Variants in THAP4 observed in about 807,000 individuals in gnomAD.
The protein encoded by THAP4 is THAP domain containing 4.
A neutral mutation model predicts 48.1 loss-of-function variants in THAP4; 18 were observed. That is an observed-to-expected ratio of 0.37 (90% CI 0.26 to 0.56). THAP4 has a LOEUF of 0.56. Among genes scored for constraint, THAP4 ranks in the 20% least tolerant of loss-of-function variants. The pLI is 0.78. For synonymous variants in THAP4, 345 were observed against 324.9 expected (o/e 1.06, Z -0.66); for missense variants, 656 against 774.9 (o/e 0.85, Z 1.82).
Position 241,616,461 on chromosome 2 carries a change from G to A in THAP4, c.1241-9988C>T, listed in dbSNP as rs1038137525. Among the ~76,000 whole-genome samples the A allele has an allele frequency of 7.9e-5, 12 of 152,146 alleles. No homozygotes were observed. The highest frequency in any genetic ancestry group is 2.7e-4 in the African/African-American group (11 of 41,446). ...GTCCTGGTAAGAACAGGTAGGGAGA[G>A]GCTGCCTCAAAAATTCTGGCTAAAA... On this transcript the variant is annotated intron_variant, in intron 2 of 5. Coordinates refer to ENST00000407315, the MANE Select transcript of THAP4 (RefSeq NM_015963.6). The surrounding 1 kb of genome is among the most constrained non-coding windows in gnomAD (Gnocchi z 4.6).
At chr2:241,617,503 T>C in intron 2 of THAP4, 1 of 1,542,148 alleles carries the variant, frequency 6.5e-7, no homozygotes, top group Non-Finnish European at 8.7e-7. Context: ...ACCTGGCTCT[T>C]AATGGCTCTG....
Position 241,633,680 on chromosome 2 carries a change from C to T in THAP4, c.477G>A (p.Gln159=). The change falls in exon 2 of 6, where the codon CAG becomes CAA. Residue 159 remains glutamine, a synonymous_variant. Transcript: ENST00000407315. This position sits in a 1 kb window ranked among gnomAD's most constrained non-coding sequence, Gnocchi z 7.5. ...LQGEATPRAA[Q]EAASQEQAQQ... The stretch of plus-strand genomic sequence containing the variant: ...GGGCCTGCTCCTGGCTGGCGGCCTC[C>T]TGGGCCGCCCTGGGTGTGGCTTCAC... 1 of 1,611,046 alleles carries T rather than the reference C, an allele frequency of 6.2e-7. No homozygotes were observed. The highest frequency in any genetic ancestry group is 1.1e-5 in the South Asian group (1 of 91,020).
intron 2 of THAP4, among the ~76,000 whole-genome samples, chr2:241,623,405 C>T (rs987739667): frequency 1.3e-5 from 2 of 151,872 alleles, no homozygotes; most frequent in African/African-American, 2.4e-5. Context: ...CATGGCAAAA[C>T]CCTGTCTCTA....
chr2:241,637,268 G>T, upstream of THAP4: 1 of 1,092,342 alleles, frequency 9.2e-7, no homozygotes, highest in South Asian at 2.0e-5. Context: ...CAGGCCCCTC[G>T]CAGCGTCCGT....
intron 2 of THAP4, among the ~76,000 whole-genome samples, chr2:241,631,414 C>T (rs1303405620): frequency 6.6e-6 from 1 of 152,164 alleles, no homozygotes; most frequent in Non-Finnish European, 1.5e-5. Context: ...AAATACTTAA[C>T]AGTAAAATAT....
chr2:241,593,494 C>T (rs2067012207), intron 5 of THAP4, among the ~76,000 whole-genome samples: 1 of 152,150 alleles, frequency 6.6e-6, no homozygotes, highest in African/African-American at 2.4e-5. Context: ...GGAAATGAGA[C>T]GCACACGGGG....
At chr2:241,623,840 C>A (rs953867259) in intron 2 of THAP4, among the ~76,000 whole-genome samples, 1 of 152,126 alleles carries the variant, frequency 6.6e-6, no homozygotes, top group Non-Finnish European at 1.5e-5. Context: ...TGGAAAAAAA[C>A]AATCTCTTTC....
At position 241,633,882 on chromosome 2, in the gene THAP4, C is replaced by G; in HGVS notation, c.275G>C (p.Arg92Thr). ...GGTGCGGCCATGGCCTCCAGCCCCC[C>G]TCTTCTTCTCGGTCAGGTGGAAGAT... ...PSIFHLTEKK[R>T]GAGGHGRTRR... The change falls in exon 2 of 6, where the codon AGG (arginine) becomes ACG (threonine). Residue 92 changes from arginine to threonine, a missense_variant. Around this residue, in one of 4 missense-constraint regions of THAP4, gnomAD observed 391 missense variants for 412.4 expected, o/e 0.95. Coordinates refer to ENST00000407315, the MANE Select transcript of THAP4 (RefSeq NM_015963.6). The surrounding 1 kb of genome is among the most constrained non-coding windows in gnomAD (Gnocchi z 7.5). The G allele has an allele frequency of 6.2e-7, 1 of 1,614,000 alleles. No individual in the cohort carries two copies. Among genetic ancestry groups the G allele is most frequent in the Non-Finnish European group, 8.5e-7 (1 of 1,179,936 alleles).
At chr2:241,627,709 C>A (rs2067510900) in intron 2 of THAP4, among the ~76,000 whole-genome samples, 1 of 152,226 alleles carries the variant, frequency 6.6e-6, no homozygotes, top group African/African-American at 2.4e-5. Flanking sequence ...GCAAGAACCA[C>A]AGAGTGCAGA....
intron 5 of THAP4, among the ~76,000 whole-genome samples, chr2:241,600,306 G>A (rs1339472936): frequency 6.6e-6 from 1 of 152,232 alleles, no homozygotes; most frequent in Non-Finnish European, 1.5e-5. Flanking sequence ...TCGATGAATG[G>A]TGTTGGGACT....
chr2:241,626,928 G>C (rs2067501590), intron 2 of THAP4, among the ~76,000 whole-genome samples: 1 of 152,192 alleles, frequency 6.6e-6, no homozygotes, highest in African/African-American at 2.4e-5. Context: ...AAACAGATTA[G>C]TGTAATAAAT....
At chr2:241,627,318 T>A (rs1238026931) in intron 2 of THAP4, among the ~76,000 whole-genome samples, 3 of 152,250 alleles carry the variant, frequency 2.0e-5, no homozygotes, top group Non-Finnish European at 2.9e-5. Flanking sequence ...TTGAAGCAAG[T>A]GTTAAATTGC....
At chr2:241,602,160 C>G (rs574340502) in intron 4 of THAP4, 161 bp from the exon 5 acceptor site, 10 of 683,826 alleles carry the variant, frequency 1.5e-5, no homozygotes, top group African/African-American at 1.1e-4. Flanking sequence ...CCTGTGGATA[C>G]GGAGGGAAAG....
intron 5 of THAP4, among the ~76,000 whole-genome samples, chr2:241,593,473 C>A (rs937612212): frequency 2.0e-5 from 3 of 152,054 alleles, no homozygotes; most frequent in Non-Finnish European, 4.4e-5. Context: ...AGCCACAGAA[C>A]GTGAGGGGCT....
intron 2 of THAP4, among the ~76,000 whole-genome samples, chr2:241,622,884 A>T (rs2067449719): frequency 6.6e-6 from 1 of 152,062 alleles, no homozygotes; most frequent in South Asian, 2.1e-4. Flanking sequence ...TACAGGTGTG[A>T]GCCACCTCAC....
At chr2:241,606,770 G>C (rs2125080135) in intron 2 of THAP4, among the ~76,000 whole-genome samples, 1 of 152,314 alleles carries the variant, frequency 6.6e-6, no homozygotes, top group African/African-American at 2.4e-5. Flanking sequence ...CTCCACCTGT[G>C]GGGTGCAGGT....
At chr2:241,624,485 C>CAA (rs112411066) in intron 2 of THAP4, among the ~76,000 whole-genome samples, 10 of 132,984 alleles carry the variant, frequency 7.5e-5, no homozygotes, top group African/African-American at 2.2e-4. Context: ...GACTCTTTCT[C>CAA]AAAAAAAAAA....
chr2:241,593,481 G>A (rs1185917804), intron 5 of THAP4, among the ~76,000 whole-genome samples: 1 of 152,140 alleles, frequency 6.6e-6, no homozygotes, highest in African/African-American at 2.4e-5. Context: ...AACGTGAGGG[G>A]CTGGAAATGA....
intron 4 of THAP4, among the ~76,000 whole-genome samples, chr2:241,602,639 T>C (rs1441135992): frequency 1.3e-5 from 2 of 152,258 alleles, no homozygotes; most frequent in Non-Finnish European, 2.9e-5. Flanking sequence ...GTGCTGGGAT[T>C]ACAGGCGTGA....
Sources: gnomAD v4.1 joint callset for allele counts (sites outside exome capture counted in the v4.1 genomes callset) on GRCh38, gnomAD v4.1.1 for gene constraint, gnomAD v4.1.1 regional missense constraint, Gnocchi (gnomAD v3.1) non-coding constraint, MANE v1.5 for transcripts, NCBI Gene and HGNC (gene_info 2026-07-23, HGNC 2026-07-21) for gene names.